The following KBTBD12 variants were observed in gnomAD, a reference collection of about 807,000 sequenced individuals.
KBTBD12 encodes the protein kelch repeat and BTB domain containing 12, also known as kelch repeat and BTB domain-containing protein 12.
Under a neutral mutation model 58.7 loss-of-function variants are expected in KBTBD12, and 53 were observed. The observed-to-expected ratio is 0.90, with a 90% CI of 0.72 to 1.14. The LOEUF (loss-of-function observed/expected upper bound fraction) is 1.14, where lower values mean the gene tolerates loss of function less well. Among genes scored for constraint, KBTBD12 ranks in the 50% most tolerant of loss-of-function variants. KBTBD12 has a pLI of 0.00. For missense variants in KBTBD12, 704 were observed against 751.3 expected, an observed-to-expected ratio of 0.94 and a Z score of 0.74; for synonymous variants, 236 against 259.8, an observed-to-expected ratio of 0.91 and a Z score of 0.88.
At chr3:127,941,063 A>C (rs1939939695) in intron 4 of KBTBD12, among the ~76,000 whole-genome samples, 1 of 152,220 alleles carries the variant, frequency 6.6e-6, no homozygotes, top group South Asian at 2.1e-4. Context: ...AAAACATTTC[A>C]AAAAATAAAT....
chr3:127,927,812 A>G lies in KBTBD12; in HGVS notation c.1119A>G (p.Glu373=). 1 of 1,591,016 alleles carries G rather than the reference A, an allele frequency of 6.3e-7. No individual in the cohort carries two copies. The highest frequency in any genetic ancestry group is 8.6e-7 in the Non-Finnish European group (1 of 1,168,454). The change falls in exon 3 of 6, where the codon GAA becomes GAG. Residue 373 remains glutamate, a synonymous_variant. Transcript: ENST00000405109. ...TTTGGGAAAAGTTATGCACAGCTGA[A>G]TTTCGAGAACTCTATGCTCTGGGCA... The part of the protein sequence containing the change: ...NQFWEKLCTA[E]FRELYALGSI...
chr3:127,982,121 C>T (rs924527557), intron 5 of KBTBD12, among the ~76,000 whole-genome samples: 3 of 152,296 alleles, frequency 2.0e-5, no homozygotes, highest in African/African-American at 7.2e-5. Flanking sequence ...TTCCTTTCCT[C>T]TCTGGCTTCT....
intron 5 of KBTBD12, among the ~76,000 whole-genome samples, chr3:127,981,808 C>T (rs544757388): frequency 3.3e-5 from 5 of 152,140 alleles, no homozygotes; most frequent in Non-Finnish European, 7.4e-5. Context: ...GGAGTGGTGG[C>T]GGGTGCCTGT....
At chr3:127,920,239 G>A (rs969436729) in intron 1 of KBTBD12, among the ~76,000 whole-genome samples, 2 of 152,072 alleles carry the variant, frequency 1.3e-5, no homozygotes, top group East Asian at 1.9e-4. Context: ...TGTTGAAATC[G>A]ATCATCAGTA....
chr3:127,980,514 G>C (rs1940855544), intron 5 of KBTBD12, among the ~76,000 whole-genome samples: 1 of 152,128 alleles, frequency 6.6e-6, no homozygotes, highest in South Asian at 2.1e-4. Context: ...ATTTTCAGTA[G>C]AGACGGGATT....
intron 5 of KBTBD12, among the ~76,000 whole-genome samples, chr3:127,964,988 G>A (rs1216216120): frequency 6.6e-6 from 1 of 152,202 alleles, no homozygotes; most frequent in Non-Finnish European, 1.5e-5. Flanking sequence ...GGGAGCTGAG[G>A]AGCCAGGAGG....
At chr3:127,935,818 A>G (rs909598490) in intron 4 of KBTBD12, among the ~76,000 whole-genome samples, 1 of 152,184 alleles carries the variant, frequency 6.6e-6, no homozygotes, top group African/African-American at 2.4e-5. Flanking sequence ...AATCAAATAT[A>G]TGCTCTCTAT....
intron 5 of KBTBD12, among the ~76,000 whole-genome samples, chr3:127,965,410 A>G (rs1940543719): frequency 6.6e-6 from 1 of 152,196 alleles, no homozygotes; most frequent in African/African-American, 2.4e-5. Context: ...GATTCGCTGA[A>G]TGAATTATCA....
rs1436907216 is a variant in KBTBD12, at chr3:127,984,966, GCTGTA to G, written c.*691_*695del. 3 of 152,584 alleles carry G rather than the reference GCTGTA, an allele frequency of 2.0e-5. No individual in the cohort carries two copies. Among genetic ancestry groups the G allele is most frequent in the Admixed American group, 6.5e-5 (1 of 15,286 alleles). The allele number at this position is 152,584 out of a possible 1,614,324, so 9.5% of individuals were successfully genotyped here. ...GCAACGCCACCCAGCAGCAGGGCTA[GCTGTA>G]CTACCAGCCCCTAACAACCAAGGCA... is the stretch of plus-strand genomic sequence containing the variant. On this transcript the variant is annotated 3_prime_UTR_variant, in exon 6 of 6. Transcript: ENST00000405109.
intron 2 of KBTBD12, among the ~76,000 whole-genome samples, chr3:127,926,076 G>A (rs995485108): frequency 2.6e-5 from 4 of 152,018 alleles, no homozygotes; most frequent in African/African-American, 9.7e-5. Context: ...ATCTCCATTT[G>A]TCTTTAAACT....
chr3:127,974,341 C>T (rs965153438), intron 5 of KBTBD12, among the ~76,000 whole-genome samples: 4 of 152,210 alleles, frequency 2.6e-5, no homozygotes, highest in African/African-American at 9.6e-5. Flanking sequence ...CCTTTCTCTT[C>T]TGACTGTGTT....
intron 3 of KBTBD12, 187 bp downstream of exon 3, chr3:127,928,221 G>A: frequency 1.7e-6 from 1 of 578,742 alleles, no homozygotes; most frequent in South Asian, 2.3e-5. Flanking sequence ...GATTTTTAAA[G>A]TGTGTTTTCA....
intron 5 of KBTBD12, among the ~76,000 whole-genome samples, chr3:127,967,703 A>G (rs1328104583): frequency 6.6e-6 from 1 of 152,246 alleles, no homozygotes; most frequent in Non-Finnish European, 1.5e-5. Flanking sequence ...TAAAGCAGCT[A>G]TTTAAATCAA....
intron 4 of KBTBD12, among the ~76,000 whole-genome samples, chr3:127,945,375 A>G (rs1940057328): frequency 6.6e-6 from 1 of 150,504 alleles, no homozygotes; most frequent in Non-Finnish European, 1.5e-5. Flanking sequence ...TAGTAGAGAC[A>G]GGGTTTCACC....
intron 4 of KBTBD12, among the ~76,000 whole-genome samples, chr3:127,947,536 A>G (rs1375052203): frequency 6.6e-6 from 1 of 152,184 alleles, no homozygotes; most frequent in Non-Finnish European, 1.5e-5. Context: ...TGGAGACCAC[A>G]TGTGTGTTTG....
At chr3:127,927,008 A>G (rs1410281184) in intron 2 of KBTBD12, among the ~76,000 whole-genome samples, 2 of 152,064 alleles carry the variant, frequency 1.3e-5, no homozygotes, top group East Asian at 1.9e-4. Context: ...AAACTCATCT[A>G]CCCAGTGACC....
chr3:127,966,819 G>A (rs1307792764), intron 5 of KBTBD12, among the ~76,000 whole-genome samples: 1 of 152,112 alleles, frequency 6.6e-6, no homozygotes, highest in Admixed American at 6.6e-5. Context: ...TGACATTACA[G>A]AACACTGGGG....
intron 4 of KBTBD12, among the ~76,000 whole-genome samples, chr3:127,934,547 A>G (rs1182603204): frequency 6.6e-6 from 1 of 152,204 alleles, no homozygotes; most frequent in Non-Finnish European, 1.5e-5. Context: ...ATGGGGAAAC[A>G]TTAATCTACA....
chr3:127,929,057 A>G (rs1416580273), intron 3 of KBTBD12, among the ~76,000 whole-genome samples: 1 of 152,144 alleles, frequency 6.6e-6, no homozygotes, highest in Non-Finnish European at 1.5e-5. Flanking sequence ...TTTTGCATGC[A>G]TAAGCCCCAA....
Sources: allele counts gnomAD v4.1 joint callset (sites outside exome capture counted in the v4.1 genomes callset), GRCh38; gene constraint gnomAD v4.1.1; transcripts MANE v1.5; gene names NCBI Gene and HGNC (gene_info 2026-07-23, HGNC 2026-07-21).